The following CTNNA2 variants were observed in gnomAD, a reference collection of about 807,000 sequenced individuals.
CTNNA2 encodes the protein catenin alpha 2, also known as catenin alpha-2.
A neutral mutation model predicts 101.0 loss-of-function variants in CTNNA2; 42 were observed. The ratio of observed to expected loss-of-function variants is 0.42; its 90% CI spans 0.32 to 0.54. CTNNA2 has a LOEUF of 0.54. Ranked by LOEUF, CTNNA2 falls within the 20% of genes least tolerant of loss-of-function variation. The pLI, the probability that CTNNA2 is intolerant of heterozygous loss-of-function variation, is 0.14. For synonymous variants in CTNNA2, 450 were observed against 456.4 expected (o/e 0.99, Z 0.18); for missense variants, 871 against 1,223.1 (o/e 0.71, Z 4.29).
At chr2:79,270,827 G>T (rs146401675) in intron 2 of CTNNA2, among the ~76,000 whole-genome samples, 1 of 151,924 alleles carries the variant, frequency 6.6e-6, no homozygotes, top group East Asian at 1.9e-4. Context: ...CCATTAAGGG[G>T]GTTTTCCATC....
intron 4 of CTNNA2, among the ~76,000 whole-genome samples, chr2:79,385,396 T>A (rs937256775): frequency 6.6e-6 from 1 of 152,238 alleles, no homozygotes; most frequent in Non-Finnish European, 1.5e-5. Context: ...ACCACTTGGA[T>A]TAAATGTTTA....
At chr2:79,296,824 A>G (rs181553323) in intron 2 of CTNNA2, among the ~76,000 whole-genome samples, 1 of 152,238 alleles carries the variant, frequency 6.6e-6, no homozygotes, top group Admixed American at 6.5e-5. Flanking sequence ...AACTCCTTAC[A>G]TTCAAAAATG....
intron 2 of CTNNA2, among the ~76,000 whole-genome samples, chr2:79,676,144 C>T (rs1289208220): frequency 6.6e-6 from 1 of 152,134 alleles, no homozygotes; most frequent in African/African-American, 2.4e-5. Context: ...ATGCTATAGC[C>T]TCCCTCTCCT....
intron 4 of CTNNA2, among the ~76,000 whole-genome samples, chr2:79,413,934 CATATATATATATATATATATATAT>C (rs70940033): frequency 1.5e-4 from 21 of 140,290 alleles, no homozygotes; most frequent in Non-Finnish European, 2.0e-4. Flanking sequence ...GAGCTGAATT[CATATATATATATATATATATATAT>C]ATATATATAT....
intron 1 of CTNNA2, among the ~76,000 whole-genome samples, chr2:79,594,178 G>A (rs6745699): frequency 0.63 from 95,364 of 151,244 alleles, 30,634 homozygotes; most frequent in South Asian, 0.78. Flanking sequence ...GTGAGCCACC[G>A]CACCTGGCCT....
At chr2:79,475,994 A>G (rs959016498) in intron 4 of CTNNA2, among the ~76,000 whole-genome samples, 2 of 152,210 alleles carry the variant, frequency 1.3e-5, no homozygotes, top group Non-Finnish European at 2.9e-5. Context: ...ATTCAACAAC[A>G]GCCTAGATTC....
chr2:79,681,337 G>A (rs755081608), intron 2 of CTNNA2, among the ~76,000 whole-genome samples: 4 of 152,072 alleles, frequency 2.6e-5, no homozygotes, highest in African/African-American at 9.7e-5. Flanking sequence ...TTACTAGACC[G>A]CCTTCCAGTG....
intron 3 of CTNNA2, among the ~76,000 whole-genome samples, chr2:79,811,603 A>G (rs184121147): frequency 2.0e-5 from 3 of 152,308 alleles, no homozygotes; most frequent in Admixed American, 2.0e-4. Flanking sequence ...ACCTTTGCCA[A>G]TACCACACTG....
chr2:80,083,775 T>C (rs747051970), intron 7 of CTNNA2, among the ~76,000 whole-genome samples: 22 of 152,140 alleles, frequency 1.4e-4, no homozygotes, highest in Admixed American at 2.6e-4. Flanking sequence ...TTTACCAAAG[T>C]CTACACTGTA....
At chr2:79,819,447 T>C (rs1167374320) in intron 3 of CTNNA2, among the ~76,000 whole-genome samples, 1 of 152,226 alleles carries the variant, frequency 6.6e-6, no homozygotes, top group Non-Finnish European at 1.5e-5. Flanking sequence ...CATTTTTGTA[T>C]GTCCTTTGTA....
intron 1 of CTNNA2, among the ~76,000 whole-genome samples, chr2:79,528,914 G>A (rs1672576046): frequency 6.6e-6 from 1 of 152,090 alleles, no homozygotes; most frequent in African/African-American, 2.4e-5. Flanking sequence ...GGTATATAGC[G>A]GGAAAGTGCG....
In CTNNA2 at chr2:79,874,954, G is replaced by T. The variant is rs527782519; in HGVS notation, c.852+612G>T. Among the ~76,000 whole-genome samples the T allele has an allele frequency of 4.6e-5, 7 of 152,308 alleles. No individual in the cohort carries two copies. The South Asian group carries it at 1.5e-3, about 32-fold the overall frequency. ...GGCACATGTTATGGGCAGCCTAGATGTACGTTGCCTCTATGTTGTGCCTGC... is the reference window on the plus strand; with the variant it reads ...GGCACATGTTATGGGCAGCCTAGATTTACGTTGCCTCTATGTTGTGCCTGC... On this transcript the variant is annotated intron_variant, in intron 6 of 18. Coordinates refer to ENST00000402739, the MANE Select transcript of CTNNA2 (RefSeq NM_001282597.3).
rs142400651 is a variant in CTNNA2, at chr2:79,488,671, C to G, written c.-134-16383C>G. 3.4e-3 allele frequency among the ~76,000 whole-genome samples: 511 copies of G among 152,276 alleles called. 6 individuals carry two copies. Among genetic ancestry groups the G allele is most frequent in the African/African-American group, 0.011 (459 of 41,560 alleles). On this transcript the variant is annotated intron_variant, in intron 4 of 21. Coordinates refer to the CTNNA2 transcript ENST00000466387. The stretch of plus-strand genomic sequence containing the variant: ...GGATTATAGTATAACTTTTGTATTA[C>G]TACTTAAAATCTTTCCACTGGGCTC...
intron 15 of CTNNA2, among the ~76,000 whole-genome samples, chr2:80,599,769 ATTT>A (rs943895044): frequency 7.2e-5 from 11 of 151,942 alleles, no homozygotes; most frequent in African/African-American, 2.7e-4. Context: ...GTAGTTCAAA[ATTT>A]TTTTTAATGT....
intron 3 of CTNNA2, among the ~76,000 whole-genome samples, chr2:79,338,019 G>C (rs979182863): frequency 1.1e-4 from 16 of 152,038 alleles, no homozygotes; most frequent in African/African-American, 3.6e-4. Context: ...GCTGAGGCAG[G>C]TGGATCACCT....
At chr2:79,371,628 T>A (rs570668538) in intron 3 of CTNNA2, among the ~76,000 whole-genome samples, 2 of 152,252 alleles carry the variant, frequency 1.3e-5, no homozygotes, top group South Asian at 4.1e-4. Flanking sequence ...TTCCCTACCC[T>A]ACTTTGCAGG....
At chr2:79,785,896 CT>C (rs1456090067) in intron 3 of CTNNA2, among the ~76,000 whole-genome samples, 1 of 152,104 alleles carries the variant, frequency 6.6e-6, no homozygotes, top group African/African-American at 2.4e-5. Flanking sequence ...GAAATAGCCA[CT>C]TGCATGTTAT....
At chr2:79,512,738 G>C (rs1323876203), upstream of CTNNA2, among the ~76,000 whole-genome samples, 1 of 151,314 alleles carries the variant, frequency 6.6e-6, no homozygotes, top group African/African-American at 2.4e-5. Context: ...CACCTGCGGC[G>C]CCGAGCCTGC....
At chr2:79,251,923 G>A (rs904191760) in intron 2 of CTNNA2, among the ~76,000 whole-genome samples, 4 of 152,162 alleles carry the variant, frequency 2.6e-5, no homozygotes, top group African/African-American at 4.8e-5. Flanking sequence ...CACTGATTGC[G>A]GCGTACACCA....
Sources: gnomAD v4.1 joint callset for allele counts (sites outside exome capture counted in the v4.1 genomes callset) on GRCh38, gnomAD v4.1.1 for gene constraint, MANE v1.5 for transcripts, NCBI Gene and HGNC (gene_info 2026-07-23, HGNC 2026-07-21) for gene names.